Variants in SLC18B1 observed in about 807,000 individuals in gnomAD.
SLC18B1 encodes the protein solute carrier family 18 member B1.
Under a neutral mutation model 53.9 loss-of-function variants are expected in SLC18B1, and 62 were observed. That is an observed-to-expected ratio of 1.15 (90% confidence interval 0.94 to 1.42). SLC18B1 has a LOEUF of 1.42. SLC18B1 is among the 40% of genes most tolerant of loss of function. SLC18B1 has a pLI of 0.00. For synonymous variants in SLC18B1, 217 were observed against 200.9 expected, an observed-to-expected ratio of 1.08 and a Z score of -0.68; for missense variants, 598 against 547.3, an observed-to-expected ratio of 1.09 and a Z score of -0.93.
intron 8 of SLC18B1, among the ~76,000 whole-genome samples, chr6:132,775,361 G>T (rs929617502): frequency 6.6e-6 from 1 of 152,174 alleles, no homozygotes; most frequent in African/African-American, 2.4e-5. Context: ...GACTAAGATT[G>T]TATCCAGTAA....
chr6:132,788,925 C>A (rs867394480), intron 4 of SLC18B1, among the ~76,000 whole-genome samples: 340 of 104,418 alleles, frequency 3.3e-3, no homozygotes, highest in South Asian at 5.0e-3. Flanking sequence ...CTGAAACCTT[C>A]AAAAAAAAAA....
intron 5 of SLC18B1, among the ~76,000 whole-genome samples, chr6:132,786,351 C>T (rs1277881717): frequency 6.6e-6 from 1 of 152,000 alleles, no homozygotes; most frequent in Non-Finnish European, 1.5e-5. Context: ...CGAGACCATC[C>T]TGGCTAACAT....
At chr6:132,781,498 T>G (rs945987465) in intron 6 of SLC18B1, among the ~76,000 whole-genome samples, 1 of 151,956 alleles carries the variant, frequency 6.6e-6, no homozygotes, top group Non-Finnish European at 1.5e-5. Context: ...GTGGCTCACA[T>G]CTGTAATCCC....
chr6:132,781,502 TA>T (rs1338230859), intron 6 of SLC18B1, among the ~76,000 whole-genome samples: 2 of 152,008 alleles, frequency 1.3e-5, no homozygotes, highest in African/African-American at 2.4e-5. Flanking sequence ...CTCACATCTG[TA>T]ATCCCAGAAC....
intron 9 of SLC18B1, among the ~76,000 whole-genome samples, chr6:132,773,931 T>C (rs1781039515): frequency 6.6e-6 from 1 of 152,032 alleles, no homozygotes; most frequent in Admixed American, 6.6e-5. Flanking sequence ...TAGCAACAAA[T>C]TCTATTTTAA....
chr6:132,790,020 C>T (rs756423336), intron 3 of SLC18B1, among the ~76,000 whole-genome samples, 157 bp downstream of exon 3: 8 of 152,144 alleles, frequency 5.3e-5, no homozygotes, highest in Non-Finnish European at 1.2e-4. Context: ...AGTTAAAAAT[C>T]AATCAACTCT....
chr6:132,795,375 C>T (rs1052409208), intron 2 of SLC18B1, among the ~76,000 whole-genome samples: 15 of 152,090 alleles, frequency 9.9e-5, no homozygotes, highest in African/African-American at 3.6e-4. Flanking sequence ...GTTAATAGAA[C>T]TGAATTGGGC....
chr6:132,774,201 A>G (rs1311796137), intron 9 of SLC18B1, 21 bp downstream of exon 9: 1 of 1,574,424 alleles, frequency 6.4e-7, no homozygotes, highest in Non-Finnish European at 8.6e-7. Flanking sequence ...GGCCAAACAT[A>G]CAGAAGAAGA....
chr6:132,786,813 G>A (rs1781390424), intron 5 of SLC18B1, among the ~76,000 whole-genome samples: 1 of 152,126 alleles, frequency 6.6e-6, no homozygotes, highest in South Asian at 2.1e-4. Flanking sequence ...CAGAGAGGCA[G>A]CTGCCTAGAG....
At chr6:132,787,358 C>A in intron 5 of SLC18B1, 76 bp downstream of exon 5, 2 of 1,386,806 alleles carry the variant, frequency 1.4e-6, no homozygotes, top group Non-Finnish European at 1.9e-6. Context: ...AAGAATGGAC[C>A]CCAGCTTTAA....
At chr6:132,797,246 G>A in intron 1 of SLC18B1, 125 bp from the exon 2 acceptor site, 1 of 1,137,664 alleles carries the variant, frequency 8.8e-7, no homozygotes, top group Non-Finnish European at 1.2e-6. Context: ...GGGCTATTTT[G>A]AATATAGCAC....
At chr6:132,786,283 C>T (rs1272225186) in intron 5 of SLC18B1, among the ~76,000 whole-genome samples, 1 of 152,138 alleles carries the variant, frequency 6.6e-6, no homozygotes, top group Non-Finnish European at 1.5e-5. Context: ...CGGTGGCTCA[C>T]GCCTGTAATC....
At chr6:132,788,081 A>T (rs561117318) in intron 4 of SLC18B1, among the ~76,000 whole-genome samples, 2 of 152,052 alleles carry the variant, frequency 1.3e-5, no homozygotes, top group African/African-American at 4.8e-5. Context: ...GAATGGCATG[A>T]ACCTGGGCGG....
chr6:132,784,080 CAA>C lies in SLC18B1; in HGVS notation c.509_510del (p.Leu170ArgfsTer25). The C allele has an allele frequency of 1.3e-6, 2 of 1,559,508 alleles. No individual in the cohort carries two copies. The highest frequency in any genetic ancestry group is 2.8e-5 in the African/African-American group (2 of 71,834). ...ATTAGCCCCAGTCCAGAAAAAGTCTCAAGACTTCCCTTAAAATGAGAAAAAGA... is the reference window on the plus strand; with the variant it reads ...ATTAGCCCCAGTCCAGAAAAAGTCTCGACTTCCCTTAAAATGAGAAAAAGA... ...PNNVATVLGS[L>X]ETFSGLGLIL... is the part of the protein sequence containing the mutation. On this transcript the variant is annotated frameshift_variant, in exon 6 of 14. Transcript: ENST00000275227. LOFTEE classifies it high-confidence loss of function.
At chr6:132,777,420 TA>T in intron 7 of SLC18B1, among the ~76,000 whole-genome samples, 1 of 152,250 alleles carries the variant, frequency 6.6e-6, no homozygotes, top group Middle Eastern at 3.4e-3. Flanking sequence ...TATTATAAGA[TA>T]TACACAAACG....
chr6:132,790,358 T>C (rs1781492265), intron 2 of SLC18B1, 86 bp from the exon 3 acceptor site: 2 of 923,246 alleles, frequency 2.2e-6, no homozygotes, highest in African/African-American at 1.7e-5. Context: ...GGGCATCATC[T>C]TCTTGTGAAC....
chr6:132,771,762 G>A lies in SLC18B1; in HGVS notation c.1160+370C>T, dbSNP rs561908259. 4.6e-5 allele frequency among the ~76,000 whole-genome samples: 7 copies of A among 152,282 alleles called. 1 individual carries two copies. The South Asian group carries it at 1.4e-3, about 32-fold the overall frequency. On this transcript the variant is annotated intron_variant, in intron 11 of 13. Coordinates refer to ENST00000275227, the MANE Select transcript of SLC18B1 (RefSeq NM_052831.3). Reference sequence around the variant, plus strand: ...AATTTCTTCATCAACATCAAGCAGGGATAGTATTAATATTTTCCATCTTGC... The same window carrying A: ...AATTTCTTCATCAACATCAAGCAGGAATAGTATTAATATTTTCCATCTTGC...
intron 5 of SLC18B1, among the ~76,000 whole-genome samples, chr6:132,785,678 A>G (rs1456135518): frequency 3.3e-5 from 5 of 152,184 alleles, no homozygotes; most frequent in Non-Finnish European, 7.3e-5. Flanking sequence ...ATGGATTGTT[A>G]CCATTATCAT....
chr6:132,793,581 A>AT (rs1296608542), intron 2 of SLC18B1, among the ~76,000 whole-genome samples: 6 of 152,214 alleles, frequency 3.9e-5, no homozygotes, highest in Non-Finnish European at 7.3e-5. Flanking sequence ...GATAGAGCAC[A>AT]TGGTCCCCCA....
Sources: gnomAD v4.1 joint callset for allele counts (sites outside exome capture counted in the v4.1 genomes callset) on GRCh38, gnomAD v4.1.1 for gene constraint, MANE v1.5 for transcripts, NCBI Gene and HGNC (gene_info 2026-07-23, HGNC 2026-07-21) for gene names.